The following PLCH1 variants were observed in gnomAD, a reference collection of about 807,000 sequenced individuals.
PLCH1 encodes 1-phosphatidylinositol 4,5-bisphosphate phosphodiesterase eta-1.
A neutral mutation model predicts 126.7 loss-of-function variants in PLCH1; 60 were observed. That is an observed-to-expected ratio of 0.47 (90% CI 0.38 to 0.59). The LOEUF (loss-of-function observed/expected upper bound fraction) is 0.59. Among genes scored for constraint, PLCH1 ranks in the 20% least tolerant of loss-of-function variants. PLCH1 has a pLI of 0.00. For synonymous variants in PLCH1, 719 were observed against 734.9 expected (o/e 0.98, Z 0.35); for missense variants, 1,723 against 2,040.0 (o/e 0.84, Z 2.99).
chr3:155,476,656 C>T (rs1162397293), downstream of PLCH1, among the ~76,000 whole-genome samples: 3 of 151,854 alleles, frequency 2.0e-5, no homozygotes, highest in African/African-American at 7.3e-5. Flanking sequence ...CAACAGTGAA[C>T]AATGTGAAAA....
intron 7 of PLCH1, among the ~76,000 whole-genome samples, chr3:155,565,694 A>ATTTTT (rs770464294): frequency 1.2e-5 from 1 of 86,022 alleles, no homozygotes; most frequent in African/African-American, 3.0e-5. Context: ...ATTTTATTTT[A>ATTTTT]TTTATTTATT....
At chr3:155,460,900 G>C (rs949993325) in intron 21 of PLCH1, among the ~76,000 whole-genome samples, 1 of 152,140 alleles carries the variant, frequency 6.6e-6, no homozygotes, top group Admixed American at 6.5e-5. Context: ...CACAATTGCA[G>C]CTTCTGTGCT....
chr3:155,600,984 C>CT (rs975637031), intron 2 of PLCH1, among the ~76,000 whole-genome samples: 4 of 151,352 alleles, frequency 2.6e-5, no homozygotes, highest in South Asian at 2.1e-4. Context: ...TCTACAAGGT[C>CT]TTTTTTTTTA....
intron 10 of PLCH1, among the ~76,000 whole-genome samples, chr3:155,536,610 C>T (rs1723390113): frequency 6.6e-6 from 1 of 151,822 alleles, no homozygotes; most frequent in African/African-American, 2.4e-5. Flanking sequence ...TGAATTAACC[C>T]AATCTGACAA....
chr3:155,741,121 T>C (rs1222169006), intron 1 of PLCH1, among the ~76,000 whole-genome samples: 2 of 152,208 alleles, frequency 1.3e-5, no homozygotes, highest in Non-Finnish European at 2.9e-5. Context: ...CTTCTTAAAA[T>C]GCACTTCTAA....
At chr3:155,681,211 C>T (rs184229143) in intron 2 of PLCH1, among the ~76,000 whole-genome samples, 30 of 152,088 alleles carry the variant, frequency 2.0e-4, no homozygotes, top group Admixed American at 1.3e-3. Flanking sequence ...AAAGTGTAGC[C>T]AGTTTAGTAA....
chr3:155,566,649 G>GA (rs138163918), intron 7 of PLCH1, among the ~76,000 whole-genome samples: 83,526 of 151,760 alleles, frequency 0.55, 26,100 homozygotes, highest in Middle Eastern at 0.72. Flanking sequence ...AAATTGGTTT[G>GA]AAAAAATGCT....
chr3:155,481,432 C>A lies in PLCH1; in HGVS notation c.4594G>T (p.Asp1532Tyr). ...TVKTKSLEPI[D>Y]ALTEQLRKLV... The stretch of plus-strand genomic sequence containing the variant: ...TTCCGAAGCTGCTCGGTCAGGGCAT[C>A]TATAGGCTCTAACGACTTTGTCTTC... The change falls in exon 23 of 23, where the codon GAT (aspartate) becomes TAT (tyrosine). Residue 1532 changes from aspartate to tyrosine, a missense_variant. Coordinates refer to ENST00000460012, the MANE Select transcript of PLCH1 (RefSeq NM_014996.4). The surrounding 1 kb of genome is among the most constrained non-coding windows in gnomAD (Gnocchi z 4.2). 1.9e-6 allele frequency: 3 copies of A among 1,614,188 alleles called. No homozygotes were observed. Among genetic ancestry groups the A allele is most frequent in the Non-Finnish European group, 2.5e-6 (3 of 1,180,032 alleles).
At chr3:155,533,185 G>A (rs1171513509) in intron 10 of PLCH1, among the ~76,000 whole-genome samples, 2 of 152,196 alleles carry the variant, frequency 1.3e-5, no homozygotes, top group Admixed American at 6.5e-5. Flanking sequence ...TCTGAAATTG[G>A]AACTTATGTT....
intron 5 of PLCH1, among the ~76,000 whole-genome samples, 179 bp from the exon 6 acceptor site, chr3:155,583,821 T>C (rs1306907791): frequency 6.6e-6 from 1 of 151,964 alleles, no homozygotes; most frequent in East Asian, 1.9e-4. Flanking sequence ...AACCACATAT[T>C]TGGCCAGAAA....
chr3:155,667,886 G>A (rs1454747808), intron 2 of PLCH1, among the ~76,000 whole-genome samples: 3 of 119,098 alleles, frequency 2.5e-5, no homozygotes, highest in Non-Finnish European at 4.9e-5. Flanking sequence ...CCAACATGGC[G>A]AAACCCCATC....
chr3:155,720,381 ATTATTTTT>A (rs60579655), intron 1 of PLCH1, among the ~76,000 whole-genome samples: 17,026 of 151,858 alleles, frequency 0.11, 1,101 homozygotes, highest in African/African-American at 0.18. Context: ...ACTGACATCT[ATTATTTTT>A]TTATTTTTTT....
chr3:155,732,609 G>A (rs1487037923), intron 1 of PLCH1, among the ~76,000 whole-genome samples: 1 of 152,034 alleles, frequency 6.6e-6, no homozygotes, highest in Non-Finnish European at 1.5e-5. Context: ...TGGGTATGGT[G>A]GTTCATGACT....
intron 1 of PLCH1, among the ~76,000 whole-genome samples, chr3:155,705,665 T>C (rs1746605419): frequency 6.6e-6 from 1 of 152,224 alleles, no homozygotes; most frequent in Non-Finnish European, 1.5e-5. Context: ...GCAAAATATA[T>C]TCACATACAT....
At chr3:155,505,848 A>G (rs34050852) in intron 12 of PLCH1, among the ~76,000 whole-genome samples, 23,340 of 151,832 alleles carry the variant, frequency 0.15, 2,321 homozygotes, top group African/African-American at 0.28. Flanking sequence ...AGTTCTGCCA[A>G]CAAGTAGCTA....
intron 2 of PLCH1, among the ~76,000 whole-genome samples, chr3:155,695,482 G>A (rs1745723362): frequency 6.6e-6 from 1 of 152,206 alleles, no homozygotes; most frequent in Non-Finnish European, 1.5e-5. Context: ...TCAACAGAGA[G>A]TGCAAAAATA....
intron 11 of PLCH1, among the ~76,000 whole-genome samples, chr3:155,517,673 A>C (rs572203280): frequency 6.6e-6 from 1 of 152,306 alleles, no homozygotes; most frequent in African/African-American, 2.4e-5. Flanking sequence ...TATTATCTTG[A>C]AGTCCTTAAC....
intron 6 of PLCH1, among the ~76,000 whole-genome samples, chr3:155,580,721 C>G (rs1730555646): frequency 6.6e-6 from 1 of 151,964 alleles, no homozygotes; most frequent in South Asian, 2.1e-4. Flanking sequence ...GGTACTTCTT[C>G]TAAAGAAGTA....
intron 21 of PLCH1, chr3:155,486,149 T>C (rs1715046849): frequency 6.5e-7 from 1 of 1,538,006 alleles, no homozygotes; most frequent in Admixed American, 2.0e-5. Flanking sequence ...GAAACTACCT[T>C]TGTAGCTCCT....
Sources: allele counts gnomAD v4.1 joint callset (sites outside exome capture counted in the v4.1 genomes callset), GRCh38; gene constraint gnomAD v4.1.1; non-coding constraint Gnocchi (gnomAD v3.1); transcripts MANE v1.5; gene names NCBI Gene and HGNC (gene_info 2026-07-23, HGNC 2026-07-21).